CADPS: variants seen among roughly 807,000 people sequenced by gnomAD.
The protein encoded by CADPS is calcium-dependent secretion activator 1.
A neutral mutation model predicts 167.3 loss-of-function variants in CADPS; 57 were observed. That is an observed-to-expected ratio of 0.34 (90% CI 0.28 to 0.42). CADPS has a LOEUF of 0.42. Ranked by LOEUF, CADPS falls within the 20% of genes least tolerant of loss-of-function variation. The pLI is 1.00. For synonymous variants in CADPS, 676 were observed against 635.3 expected (o/e 1.06, Z -0.96); for missense variants, 1,414 against 1,738.1 (o/e 0.81, Z 3.32).
chr3:62,843,801 T>C (rs1200328261), intron 1 of CADPS, among the ~76,000 whole-genome samples: 1 of 151,466 alleles, frequency 6.6e-6, no homozygotes, highest in Non-Finnish European at 1.5e-5. Flanking sequence ...CCCAATGCAA[T>C]ATCCAACTAC....
intron 29 of CADPS, among the ~76,000 whole-genome samples, chr3:62,402,239 C>G (rs867375319): frequency 3.0e-3 from 159 of 52,640 alleles, no homozygotes; most frequent in Non-Finnish European, 3.4e-3. Context: ...GGGGTGGGGG[C>G]GGGGGGGGGG....
At chr3:62,820,800 T>G (rs1559778394) in intron 1 of CADPS, among the ~76,000 whole-genome samples, 3 of 150,976 alleles carry the variant, frequency 2.0e-5, no homozygotes, top group African/African-American at 2.4e-5. Context: ...TTTTGGTTTT[T>G]TTTTTTTTTC....
chr3:62,472,136 A>T (rs1324101485), intron 24 of CADPS, among the ~76,000 whole-genome samples: 1 of 152,210 alleles, frequency 6.6e-6, no homozygotes, highest in African/African-American at 2.4e-5. Context: ...GTTTATATGA[A>T]ATGTTCAGAA....
intron 1 of CADPS, among the ~76,000 whole-genome samples, chr3:62,770,488 C>T (rs1278977264): frequency 6.6e-6 from 1 of 152,072 alleles, no homozygotes; most frequent in Non-Finnish European, 1.5e-5. Context: ...TGCAGTGGTG[C>T]CATGTCAGCC....
chr3:62,587,747 T>G (rs115309477), intron 7 of CADPS, among the ~76,000 whole-genome samples: 3,496 of 152,302 alleles, frequency 0.023, 144 homozygotes, highest in African/African-American at 0.079. Context: ...CATTACCGGC[T>G]ATGCCACAAA....
chr3:62,678,040 G>T (rs768508154), intron 3 of CADPS, among the ~76,000 whole-genome samples: 3 of 152,068 alleles, frequency 2.0e-5, no homozygotes, highest in Non-Finnish European at 4.4e-5. Context: ...AAGCCTCCTT[G>T]TTCCAGGAGA....
chr3:62,484,017 C>T lies in CADPS; in HGVS notation c.3027-2148G>A, dbSNP rs114906883. On this transcript the variant is annotated intron_variant, in intron 21 of 29. Transcript: ENST00000383710. ...TAAACATATTAGCGGGTGGCGGGTACACAAATTAGAAGCAAGCTTCATTTT... is the reference window on the plus strand; with the variant it reads ...TAAACATATTAGCGGGTGGCGGGTATACAAATTAGAAGCAAGCTTCATTTT... Among the ~76,000 whole-genome samples the T allele has an allele frequency of 6.2e-3, 941 of 152,166 alleles. 9 individuals carry two copies. The highest frequency in any genetic ancestry group is 0.019 in the African/African-American group (770 of 41,504).
intron 3 of CADPS, among the ~76,000 whole-genome samples, chr3:62,669,423 A>G (rs1032874802): frequency 2.0e-5 from 3 of 152,114 alleles, no homozygotes; most frequent in Non-Finnish European, 4.4e-5. Flanking sequence ...CAACCAGGAG[A>G]TGGGGGTGCC....
At chr3:62,716,901 T>TA (rs2084768004) in intron 3 of CADPS, among the ~76,000 whole-genome samples, 1 of 152,210 alleles carries the variant, frequency 6.6e-6, no homozygotes, top group Non-Finnish European at 1.5e-5. Context: ...CTCCAAATGT[T>TA]AATGGTTCAT....
Position 62,519,646 on chromosome 3 carries a change from G to T in CADPS, c.2292-1396C>A, listed in dbSNP as rs971440165. ...ATTAAAAAATTTTTTAAGAGACAGGGTCTTGTTCTGTTGTCCAGGCTGGGG... is the reference window on the plus strand; with the variant it reads ...ATTAAAAAATTTTTTAAGAGACAGGTTCTTGTTCTGTTGTCCAGGCTGGGG... On this transcript the variant is annotated intron_variant, in intron 13 of 29. Coordinates refer to ENST00000383710, the MANE Select transcript of CADPS (RefSeq NM_003716.4). Among the ~76,000 whole-genome samples, 4 of 152,162 alleles carry T rather than the reference G, an allele frequency of 2.6e-5. No homozygotes were observed. In the East Asian group the frequency reaches 5.8e-4, roughly 22 times the overall value.
chr3:62,870,503 GC>G (rs1490554071), intron 1 of CADPS, among the ~76,000 whole-genome samples: 1 of 152,094 alleles, frequency 6.6e-6, no homozygotes, highest in Non-Finnish European at 1.5e-5. Flanking sequence ...AATTTCTATG[GC>G]TATGACTCAA....
chr3:62,595,353 G>A (rs1447825398), intron 6 of CADPS, among the ~76,000 whole-genome samples: 5 of 152,118 alleles, frequency 3.3e-5, no homozygotes, highest in South Asian at 2.1e-4. Context: ...GCAAGACCCC[G>A]AGATAGGGAA....
At position 62,531,606 on chromosome 3, in the gene CADPS, A is replaced by G. The variant is rs897784431; in HGVS notation, c.2291+1265T>C. ...CTGACACAGTTCTGATTTAAAATAA[A>G]TGTAGTCAATTCTGGATTCTCCCAC... On this transcript the variant is annotated intron_variant, in intron 13 of 29. Transcript: ENST00000383710. Among the ~76,000 whole-genome samples, 2 of 152,188 alleles carry G rather than the reference A, an allele frequency of 1.3e-5. 1 individual carries two copies. Among genetic ancestry groups the G allele is most frequent in the South Asian group, 4.1e-4 (2 of 4,826 alleles).
chr3:62,800,516 T>G (rs1435484191), intron 1 of CADPS, among the ~76,000 whole-genome samples: 1 of 152,144 alleles, frequency 6.6e-6, no homozygotes, highest in East Asian at 1.9e-4. Flanking sequence ...GGAAGATATT[T>G]TAAATGTGAG....
chr3:62,648,129 C>T (rs1192245123), intron 5 of CADPS, among the ~76,000 whole-genome samples: 2 of 152,188 alleles, frequency 1.3e-5, no homozygotes, highest in East Asian at 3.9e-4. Context: ...ATCCTTTCTC[C>T]CTCTTCTTGC....
At chr3:62,679,274 G>A (rs1442192021) in intron 3 of CADPS, among the ~76,000 whole-genome samples, 1 of 152,036 alleles carries the variant, frequency 6.6e-6, no homozygotes, top group Non-Finnish European at 1.5e-5. Flanking sequence ...TGTCAAAGTT[G>A]TGTGGGTTTC....
chr3:62,807,263 C>CTT (rs1173087995), intron 1 of CADPS, among the ~76,000 whole-genome samples: 10 of 141,136 alleles, frequency 7.1e-5, no homozygotes, highest in Non-Finnish European at 7.8e-5. Context: ...ATCAAATTTC[C>CTT]TTTTTTTTTT....
intron 1 of CADPS, among the ~76,000 whole-genome samples, chr3:62,776,445 G>C (rs896045076): frequency 1.3e-5 from 2 of 152,334 alleles, no homozygotes; most frequent in African/African-American, 4.8e-5. Flanking sequence ...ACGAGGTCAG[G>C]AGATCAAGAC....
At chr3:62,598,103 A>T (rs1304590355) in intron 6 of CADPS, among the ~76,000 whole-genome samples, 1 of 152,188 alleles carries the variant, frequency 6.6e-6, no homozygotes, top group African/African-American at 2.4e-5. Context: ...CCATCGTTCC[A>T]TGGGATGTCA....
Sources: gnomAD v4.1 joint callset for allele counts (sites outside exome capture counted in the v4.1 genomes callset) on GRCh38, gnomAD v4.1.1 for gene constraint, MANE v1.5 for transcripts, NCBI Gene and HGNC (gene_info 2026-07-23, HGNC 2026-07-21) for gene names.